TRIP12: variants seen among roughly 807,000 people sequenced by gnomAD.
The protein encoded by TRIP12 is E3 ubiquitin-protein ligase TRIP12.
A neutral mutation model predicts 244.2 loss-of-function variants in TRIP12; 25 were observed. That is an observed-to-expected ratio of 0.10 (90% CI 0.07 to 0.14). The LOEUF (loss-of-function observed/expected upper bound fraction) is 0.14. TRIP12 is among the 10% of genes least tolerant of loss of function. TRIP12 has a pLI of 1.00. For missense variants in TRIP12, 1,677 were observed against 2,486.4 expected (o/e 0.67, Z 6.92); for synonymous variants, 905 against 873.1 (o/e 1.04, Z -0.64).
intron 4 of TRIP12, among the ~76,000 whole-genome samples, chr2:229,848,257 G>A (rs1177123105): frequency 1.3e-5 from 2 of 151,710 alleles, no homozygotes; most frequent in Admixed American, 1.3e-4. Context: ...GGAATTACCA[G>A]AATTACCAGA....
In TRIP12 at chr2:229,767,381, G is replaced by A; in HGVS notation, c.*173C>T. ...ACGTTTTAGGGCCTGATCACTTTAA[G>A]TCCATGGGGCCATTAATGAATATCA... On this transcript the variant is annotated 3_prime_UTR_variant, in exon 42 of 42. Transcript: ENST00000675903. The A allele has an allele frequency of 1.5e-6, 1 of 648,046 alleles. No individual in the cohort carries two copies. The highest frequency in any genetic ancestry group is 2.4e-6 in the Non-Finnish European group (1 of 424,164). 40.1% of individuals were successfully genotyped at this position (648,046 alleles called of 1,614,324 possible).
chr2:229,807,550 C>T (rs554844744), intron 17 of TRIP12, 158 bp downstream of exon 17: 1 of 906,890 alleles, frequency 1.1e-6, no homozygotes, highest in East Asian at 2.5e-5. Flanking sequence ...CTGACCTGAA[C>T]AGAAATGAGG....
intron 8 of TRIP12, among the ~76,000 whole-genome samples, chr2:229,820,672 T>TCTGCCTTCTGGGTTCCAGCGATTCTC (rs2049819343): frequency 6.6e-6 from 1 of 152,236 alleles, no homozygotes; most frequent in Non-Finnish European, 1.5e-5. Flanking sequence ...CACTGCAACC[T>TCTGCCTTCTGGGTTCCAGCGATTCTC]CTGCCTTCTG....
chr2:229,784,134 GAA>G (rs570754339), intron 34 of TRIP12, among the ~76,000 whole-genome samples: 2 of 101,474 alleles, frequency 2.0e-5, no homozygotes, highest in Non-Finnish European at 2.1e-5. Flanking sequence ...AGAGAGAAAA[GAA>G]AAAAAAAAAA....
At chr2:229,920,490 T>G (rs1015247917) in intron 1 of TRIP12, among the ~76,000 whole-genome samples, 4 of 151,798 alleles carry the variant, frequency 2.6e-5, no homozygotes, top group African/African-American at 9.7e-5. Flanking sequence ...GGCCCAACCT[T>G]TACACACAAA....
intron 29 of TRIP12, chr2:229,791,653 T>A: frequency 3.4e-6 from 2 of 586,768 alleles, no homozygotes; most frequent in East Asian, 2.9e-5. Context: ...ATGATTACTG[T>A]CCATGGATAT....
At chr2:229,785,638 G>C in intron 34 of TRIP12, 119 bp downstream of exon 34, 1 of 915,174 alleles carries the variant, frequency 1.1e-6, no homozygotes, top group Non-Finnish European at 1.6e-6. Flanking sequence ...TCATTCAAGA[G>C]AAAAGAGAGC....
chr2:229,909,835 CAG>C (rs2073922398), intron 1 of TRIP12, among the ~76,000 whole-genome samples: 1 of 152,148 alleles, frequency 6.6e-6, no homozygotes, highest in East Asian at 1.9e-4. Flanking sequence ...GCCTGGGAGA[CAG>C]AGTGAGACAC....
At chr2:229,770,544 G>C (rs2033872854) in intron 39 of TRIP12, among the ~76,000 whole-genome samples, 1 of 152,172 alleles carries the variant, frequency 6.6e-6, no homozygotes, top group African/African-American at 2.4e-5. Flanking sequence ...TAAATAAAAA[G>C]GTTTCAAAAC....
chr2:229,853,930 A>G, intron 4 of TRIP12, among the ~76,000 whole-genome samples: 1 of 152,136 alleles, frequency 6.6e-6, no homozygotes, highest in East Asian at 1.9e-4. Context: ...TTTTAAAGCA[A>G]TGTACATGTA....
Position 229,810,980 on chromosome 2 carries a change from A to C in TRIP12, c.2121T>G (p.Thr707=). The part of the protein sequence containing the change: ...LTNVQQLLVV[T]PPILSSGMFI... ...ACATCCCAGAACTTAAAATGGGTGG[A>C]GTCACTACCAACAGCTGTTGAACAT... is the stretch of plus-strand genomic sequence containing the variant. The change falls in exon 15 of 42, where the codon ACT becomes ACG. Residue 707 remains threonine, a synonymous_variant. Coordinates refer to ENST00000675903, the MANE Select transcript of TRIP12 (RefSeq NM_001348323.3). 6.2e-7 allele frequency: 1 copy of C among 1,614,136 alleles called. No homozygotes were observed. Among genetic ancestry groups the C allele is most frequent in the Non-Finnish European group, 8.5e-7 (1 of 1,180,010 alleles).
At chr2:229,867,800 T>A (rs1212501262) in intron 2 of TRIP12, among the ~76,000 whole-genome samples, 3 of 152,194 alleles carry the variant, frequency 2.0e-5, no homozygotes, top group African/African-American at 7.2e-5. Context: ...CCAGTATGCT[T>A]ATGATGTGAC....
chr2:229,902,772 T>C (rs2071357038), intron 1 of TRIP12, among the ~76,000 whole-genome samples: 1 of 152,224 alleles, frequency 6.6e-6, no homozygotes, highest in African/African-American at 2.4e-5. Context: ...GCATCCAGAC[T>C]TAAAAGGTCC....
chr2:229,850,772 G>T (rs1277151501), intron 4 of TRIP12, among the ~76,000 whole-genome samples: 1 of 152,250 alleles, frequency 6.6e-6, no homozygotes, highest in Admixed American at 6.5e-5. Flanking sequence ...GCCAGCTGGA[G>T]TTCCGGGTGG....
chr2:229,867,920 G>A (rs1046565464), intron 2 of TRIP12, among the ~76,000 whole-genome samples: 15 of 152,072 alleles, frequency 9.9e-5, no homozygotes, highest in African/African-American at 3.6e-4. Context: ...TTTAACACGG[G>A]TACTACTAAG....
chr2:229,899,677 T>C (rs939814104), intron 1 of TRIP12, among the ~76,000 whole-genome samples: 1 of 152,130 alleles, frequency 6.6e-6, no homozygotes, highest in Non-Finnish European at 1.5e-5. Context: ...GGGGTGGCAA[T>C]ACACATTCCA....
At chr2:229,795,919 T>G (rs1473513639) in intron 25 of TRIP12, among the ~76,000 whole-genome samples, 2 of 152,256 alleles carry the variant, frequency 1.3e-5, no homozygotes, top group Non-Finnish European at 2.9e-5. Context: ...CTCTGAGGAC[T>G]GCAAGCGCAT....
At position 229,824,363 on chromosome 2, in the gene TRIP12, G is replaced by A. The variant is rs184876265; in HGVS notation, c.1450+4830C>T. On this transcript the variant is annotated intron_variant, in intron 8 of 41. Transcript: ENST00000675903. The stretch of plus-strand genomic sequence containing the variant: ...ATGACTGGTGGAAACGCAAAATGGT[G>A]CAACTCCAAATGGGGGGGAGTTTGC... Among the ~76,000 whole-genome samples the A allele has an allele frequency of 4.2e-3, 643 of 152,250 alleles. 8 individuals carry two copies. The highest frequency in any genetic ancestry group is 0.015 in the African/African-American group (618 of 41,544).
At chr2:229,880,313 G>C (rs1473207757) in intron 1 of TRIP12, among the ~76,000 whole-genome samples, 185 bp from the exon 2 acceptor site, 1 of 152,146 alleles carries the variant, frequency 6.6e-6, no homozygotes, top group East Asian at 1.9e-4. Flanking sequence ...CAAAATGTCA[G>C]GGTACGTGTA....
Sources: gnomAD v4.1 joint callset for allele counts (sites outside exome capture counted in the v4.1 genomes callset) on GRCh38, gnomAD v4.1.1 for gene constraint, MANE v1.5 for transcripts, NCBI Gene and HGNC (gene_info 2026-07-23, HGNC 2026-07-21) for gene names.